TTC28: variants seen among roughly 807,000 people sequenced by gnomAD.
TTC28 encodes tetratricopeptide repeat domain 28, also known as tetratricopeptide repeat protein 28.
A neutral mutation model predicts 198.0 loss-of-function variants in TTC28; 61 were observed. The observed-to-expected ratio is 0.31, with a 90% CI of 0.25 to 0.38. The LOEUF is 0.38. Ranked by LOEUF, TTC28 falls within the 10% of genes least tolerant of loss-of-function variation. The pLI, the probability that TTC28 is intolerant of heterozygous loss-of-function variation, is 1.00. For missense variants in TTC28, 2,678 were observed against 3,164.0 expected (o/e 0.85, Z 3.69); for synonymous variants, 1,171 against 1,297.8 (o/e 0.90, Z 2.10).
At chr22:28,643,900 T>G (rs1313490953) in intron 1 of TTC28, among the ~76,000 whole-genome samples, 1 of 152,160 alleles carries the variant, frequency 6.6e-6, no homozygotes. Context: ...CAAAACTCTA[T>G]AAGATAGGTA....
intron 2 of TTC28, among the ~76,000 whole-genome samples, chr22:28,367,415 A>G (rs2046265080): frequency 1.3e-5 from 2 of 152,080 alleles, no homozygotes. Flanking sequence ...TAACATATCA[A>G]AACTTACGGG....
At position 28,629,803 on chromosome 22, in the gene TTC28, C is replaced by G; in HGVS notation, c.130G>C (p.Gly44Arg). 1.3e-6 allele frequency: 2 copies of G among 1,551,536 alleles called. No individual in the cohort carries two copies. Among genetic ancestry groups the G allele is most frequent in the Non-Finnish European group, 1.7e-6 (2 of 1,146,932 alleles). The change falls in exon 2 of 23, where the codon GGC (glycine) becomes CGC (arginine). Residue 44 changes from glycine to arginine, a missense_variant. Gly to Arg is a moderately radical substitution (Grantham distance 125). This residue lies in a region of TTC28 where 176 missense variants were observed against 197.9 expected (regional missense o/e 0.89). Coordinates refer to ENST00000397906, the MANE Select transcript of TTC28 (RefSeq NM_001145418.2). The stretch of plus-strand genomic sequence containing the variant: ...ACCGGTCCATCAGGACTTCTCTGGC[C>G]AATAGTGTCAGCACCAAAGAGAGGA... The part of the protein sequence containing the change: ...PIPLFGADTI[G>R]QRSPDGPVLS...
chr22:28,113,716 TTGTG>T (rs527299041), intron 6 of TTC28, among the ~76,000 whole-genome samples: 2 of 152,132 alleles, frequency 1.3e-5, no homozygotes, highest in African/African-American at 2.4e-5. Context: ...GCTTTAAAAA[TTGTG>T]TGTGTGTGTT....
At chr22:28,133,150 A>C (rs1441889782) in intron 6 of TTC28, among the ~76,000 whole-genome samples, 1 of 152,120 alleles carries the variant, frequency 6.6e-6, no homozygotes, top group Non-Finnish European at 1.5e-5. Context: ...TTGAAACCAG[A>C]AGTTGGAGGT....
chr22:28,460,890 C>T (rs1438455101), intron 2 of TTC28, among the ~76,000 whole-genome samples: 5 of 152,058 alleles, frequency 3.3e-5, no homozygotes, highest in African/African-American at 1.2e-4. Flanking sequence ...CGCCATGTTG[C>T]CCAGGCTGGT....
chr22:28,210,802 G>A (rs187402784), intron 5 of TTC28, among the ~76,000 whole-genome samples: 29 of 152,092 alleles, frequency 1.9e-4, no homozygotes, highest in African/African-American at 4.1e-4. Context: ...ACAAAGATAC[G>A]CCTTGACAAG....
chr22:28,127,210 C>A (rs1415976632), intron 6 of TTC28, among the ~76,000 whole-genome samples: 2 of 152,098 alleles, frequency 1.3e-5, no homozygotes, highest in Non-Finnish European at 2.9e-5. Context: ...CTTGGAGATA[C>A]AAGTAGCTTT....
At chr22:28,156,410 G>C (rs1943749685) in intron 6 of TTC28, among the ~76,000 whole-genome samples, 1 of 152,220 alleles carries the variant, frequency 6.6e-6, no homozygotes, top group Non-Finnish European at 1.5e-5. Context: ...AAAGGAACTA[G>C]CACTGTCAAT....
intron 2 of TTC28, among the ~76,000 whole-genome samples, chr22:28,389,838 T>G (rs1167981891): frequency 6.6e-5 from 10 of 151,630 alleles, no homozygotes; most frequent in East Asian, 1.9e-4. Context: ...GTGTCTCTAT[T>G]ACCTTCAGTT....
chr22:28,193,289 C>T (rs911801067), intron 5 of TTC28, among the ~76,000 whole-genome samples: 1 of 152,106 alleles, frequency 6.6e-6, no homozygotes, highest in African/African-American at 2.4e-5. Flanking sequence ...GAAGGAAGCA[C>T]TAAACATGGA....
In TTC28 at chr22:28,220,172, G is replaced by A. The variant is rs184118249; in HGVS notation, c.934-56573C>T. Among the ~76,000 whole-genome samples the A allele has an allele frequency of 2.6e-5, 4 of 152,282 alleles. No individual in the cohort carries two copies. The East Asian group carries it at 7.7e-4, about 29-fold the overall frequency. On this transcript the variant is annotated intron_variant, in intron 5 of 22. Coordinates refer to ENST00000397906, the MANE Select transcript of TTC28 (RefSeq NM_001145418.2). Reference sequence around the variant, plus strand: ...GGAGAGAGAAAAATTGTTTGATAAAGCACAATTACACATCTAATTACCAGA... The same window carrying A: ...GGAGAGAGAAAAATTGTTTGATAAAACACAATTACACATCTAATTACCAGA...
intron 2 of TTC28, among the ~76,000 whole-genome samples, chr22:28,404,084 T>C (rs1434015061): frequency 6.6e-6 from 1 of 152,142 alleles, no homozygotes; most frequent in African/African-American, 2.4e-5. Context: ...TAAATATTAA[T>C]TTAAAAATTT....
chr22:28,267,143 G>A (rs1364246782), intron 5 of TTC28, among the ~76,000 whole-genome samples: 5 of 152,180 alleles, frequency 3.3e-5, no homozygotes, highest in Admixed American at 6.5e-5. Flanking sequence ...GACTAGTAGT[G>A]TATTGTACTA....
At chr22:28,198,798 G>A (rs182214341) in intron 5 of TTC28, among the ~76,000 whole-genome samples, 1 of 152,200 alleles carries the variant, frequency 6.6e-6, no homozygotes, top group African/African-American at 2.4e-5. Context: ...TATCCACCTA[G>A]CAGTTGGAAA....
intron 5 of TTC28, among the ~76,000 whole-genome samples, chr22:28,271,899 G>T (rs1485476559): frequency 6.6e-6 from 1 of 152,212 alleles, no homozygotes; most frequent in South Asian, 2.1e-4. Context: ...CACCGTGCCT[G>T]GCTGATCTGG....
intron 5 of TTC28, among the ~76,000 whole-genome samples, chr22:28,228,148 T>C (rs930598038): frequency 3.9e-4 from 60 of 151,942 alleles, no homozygotes; most frequent in African/African-American, 1.3e-3. Context: ...TAATACGAGA[T>C]ACCTAGAGTA....
At chr22:28,551,726 T>C (rs2049675350) in intron 2 of TTC28, among the ~76,000 whole-genome samples, 1 of 152,142 alleles carries the variant, frequency 6.6e-6, no homozygotes, top group Non-Finnish European at 1.5e-5. Context: ...AGGGACATAC[T>C]TTAATGTAAT....
chr22:28,064,818 T>C (rs1601580139), intron 12 of TTC28, among the ~76,000 whole-genome samples: 1 of 152,126 alleles, frequency 6.6e-6, no homozygotes, highest in East Asian at 1.9e-4. Context: ...TCCAGTAAAC[T>C]ATAACGCTGG....
intron 6 of TTC28, among the ~76,000 whole-genome samples, chr22:28,142,219 G>A (rs1943354473): frequency 6.6e-6 from 1 of 152,196 alleles, no homozygotes; most frequent in Non-Finnish European, 1.5e-5. Context: ...CCCAGTAAGT[G>A]TTGGCTCACC....
Sources: gnomAD v4.1 joint callset for allele counts (sites outside exome capture counted in the v4.1 genomes callset) on GRCh38, gnomAD v4.1.1 for gene constraint, gnomAD v4.1.1 regional missense constraint, MANE v1.5 for transcripts, NCBI Gene and HGNC (gene_info 2026-07-23, HGNC 2026-07-21) for gene names.